The following NCBP2 variants were observed in gnomAD, a reference collection of about 807,000 sequenced individuals.
NCBP2 encodes nuclear cap binding protein subunit 2, also known as nuclear cap-binding protein subunit 2.
A neutral mutation model predicts 21.5 loss-of-function variants in NCBP2; 8 were observed. The ratio of observed to expected loss-of-function variants is 0.37; its 90% CI spans 0.22 to 0.67. NCBP2 has a LOEUF of 0.67. Among genes scored for constraint, NCBP2 ranks in the 30% least tolerant of loss-of-function variants. NCBP2 has a pLI of 0.56. For missense variants in NCBP2, 127 were observed against 206.9 expected (o/e 0.61, Z 2.37); for synonymous variants, 92 against 75.8 (o/e 1.21, Z -1.11).
At position 196,938,018 on chromosome 3, in the gene NCBP2, G is replaced by A. The variant is rs1449541773; in HGVS notation, c.261-370C>T. The stretch of plus-strand genomic sequence containing the variant: ...GCACCCTAATCAAGAGAAGGTCACC[G>A]TGCACGTGGAATTGTGCTGCACTTC... On this transcript the variant is annotated intron_variant, in intron 2 of 3. Transcript: ENST00000321256. 11 of 186,144 alleles carry A rather than the reference G, an allele frequency of 5.9e-5. No homozygotes were observed. The Admixed American group carries it at 5.9e-4, about 10-fold the overall frequency. 11.5% of individuals were successfully genotyped at this position (186,144 alleles called of 1,614,324 possible). A position where few individuals can be genotyped will look rare whatever the true frequency, so the allele number is the denominator to read the frequency against.
At chr3:196,939,828 C>G (rs915942579) in intron 1 of NCBP2, 1 of 163,308 alleles carries the variant, frequency 6.1e-6, no homozygotes, top group Non-Finnish European at 1.3e-5. Flanking sequence ...AGTGGGTTTT[C>G]AGAGAGAGAG....
chr3:196,937,814 C>T (rs1371831165), intron 2 of NCBP2, 166 bp from the exon 3 acceptor site: 1 of 693,294 alleles, frequency 1.4e-6, no homozygotes, highest in Middle Eastern at 3.2e-4. Context: ...GGTTTGGAAG[C>T]ACATAGAGTC....
At chr3:196,937,154 T>C (rs1716303435) in intron 3 of NCBP2, 72 bp from the exon 4 acceptor site, 2 of 1,409,404 alleles carry the variant, frequency 1.4e-6, no homozygotes, top group Non-Finnish European at 1.0e-6. Flanking sequence ...CACAAACATG[T>C]TAGACAAACA....
At chr3:196,937,757 T>TG in intron 2 of NCBP2, 109 bp from the exon 3 acceptor site, 2 of 1,384,368 alleles carry the variant, frequency 1.4e-6, no homozygotes, top group Non-Finnish European at 2.0e-6. Context: ...TCCAACCAGA[T>TG]GGAGTTCAAA....
Position 196,937,030 on chromosome 3 carries a change from T to C in NCBP2, c.452A>G (p.Lys151Arg), listed in dbSNP as rs1302140345. ...DYDAGRGGYG[K>R]LAQNQ ...CACCACTCACTGGTTCTGTGCCAGT[T>C]TTCCATAGCCTCCTCTCCCAGCATC... The change falls in exon 4 of 4, where the codon AAA becomes AGA. Residue 151 changes from lysine (K) to arginine (R), a missense_variant. Transcript: ENST00000321256. 2 of 1,614,168 alleles carry C rather than the reference T, an allele frequency of 1.2e-6. No individual in the cohort carries two copies. The highest frequency in any genetic ancestry group is 4.5e-5 in the East Asian group (2 of 44,880).
In NCBP2 at chr3:196,937,664, A is replaced by C; in HGVS notation, c.261-16T>G. 1 of 1,610,772 alleles carries C rather than the reference A, an allele frequency of 6.2e-7. No individual in the cohort carries two copies. The highest frequency in any genetic ancestry group is 8.5e-7 in the Non-Finnish European group (1 of 1,177,884). ...TGAGTAATATCTTAAGTATTAAGGA[A>C]CACTAGCATTTTTCCAAACATTTCT... On this transcript the variant is annotated splice_polypyrimidine_tract_variant and intron_variant, in intron 2 of 3. Transcript: ENST00000321256.
At chr3:196,941,633 C>T (rs1424151702) in intron 1 of NCBP2, 1 of 499,686 alleles carries the variant, frequency 2.0e-6, no homozygotes, top group Admixed American at 3.8e-5. Context: ...TTGGCGACAG[C>T]ACTCGATAAA....
At chr3:196,942,272 A>T (rs1716628662) in intron 1 of NCBP2, 154 bp downstream of exon 1, 19 of 1,497,934 alleles carry the variant, frequency 1.3e-5, no homozygotes, top group Non-Finnish European at 1.7e-5. Flanking sequence ...GCGCCCTTCC[A>T]GCACCCATTC....
At chr3:196,942,379 GCGTTCTTGCCCAGGGC>G in intron 1 of NCBP2, 31 bp downstream of exon 1, 1 of 1,595,744 alleles carries the variant, frequency 6.3e-7, no homozygotes, top group Non-Finnish European at 8.5e-7. Flanking sequence ...CCGTTTCTCA[GCGTTCTTGCCCAGGGC>G]CTTCCCGTCT....
Position 196,939,446 on chromosome 3 carries a change from TAG to T in NCBP2, c.79-16_79-15del, listed in dbSNP as rs1316912376. 1 of 1,580,116 alleles carries T rather than the reference TAG, an allele frequency of 6.3e-7. No homozygotes were observed. The highest frequency in any genetic ancestry group is 1.4e-5 in the African/African-American group (1 of 73,492). On this transcript the variant is annotated splice_polypyrimidine_tract_variant and intron_variant, in intron 1 of 3. Coordinates refer to ENST00000321256, the MANE Select transcript of NCBP2 (RefSeq NM_007362.5). ...TTCATTGTCACCCTAGAATTTCAAA[TAG>T]AGACAAAAGTTAAGCAACTTCAGAG...
Position 196,937,062 on chromosome 3 carries a change from C to A in NCBP2, c.420G>T (p.Gln140His). 1 of 1,614,162 alleles carries A rather than the reference C, an allele frequency of 6.2e-7. No homozygotes were observed. Among genetic ancestry groups the A allele is most frequent in the Non-Finnish European group, 8.5e-7 (1 of 1,180,036 alleles). Residue 140 changes from glutamine (Q) to histidine (H), a missense_variant, in exon 4 of 4, where the codon CAG (glutamine) becomes CAT (histidine). By Grantham distance (24) the Gln-to-His change is conservative. Coordinates refer to ENST00000321256, the MANE Select transcript of NCBP2 (RefSeq NM_007362.5). ...SGGQVRDEYRQDYDAGRGGYG... is the reference protein window; with the variant it reads ...SGGQVRDEYRHDYDAGRGGYG... Reference sequence around the variant, plus strand: ...AGCCTCCTCTCCCAGCATCGTAGTCCTGCCGATACTCATCCCGAACCTTTA... The same window carrying A: ...AGCCTCCTCTCCCAGCATCGTAGTCATGCCGATACTCATCCCGAACCTTTA...
intron 1 of NCBP2, chr3:196,941,748 C>G: frequency 1.5e-6 from 1 of 653,848 alleles, no homozygotes; most frequent in South Asian, 2.0e-5. Context: ...ATATCTGCTG[C>G]CTCCCCTTTT....
At chr3:196,942,380 C>A (rs759128107) in intron 1 of NCBP2, 46 bp downstream of exon 1, 1 of 1,596,776 alleles carries the variant, frequency 6.3e-7, no homozygotes, top group Non-Finnish European at 8.5e-7. Context: ...CGTTTCTCAG[C>A]GTTCTTGCCC....
chr3:196,937,561 G>A lies in NCBP2; in HGVS notation c.348C>T (p.Asp116=), dbSNP rs746395830. 1.9e-5 allele frequency: 30 copies of A among 1,614,008 alleles called. No homozygotes were observed. Among genetic ancestry groups the A allele is most frequent in the Non-Finnish European group, 2.3e-5 (27 of 1,180,038 alleles). The change falls in exon 3 of 4, where the codon GAC becomes GAT. Residue 116 remains aspartate, a synonymous_variant. Transcript: ENST00000321256. ...ATTGCCTGCCCTCCTTAAAGCCTGC[G>A]TCCCAGTCTGTGCGAATGATTCGGT... ...LDDRIIRTDW[D]AGFKEGRQYG...
At chr3:196,939,111 G>A in intron 2 of NCBP2, 140 bp downstream of exon 2, 1 of 671,732 alleles carries the variant, frequency 1.5e-6, no homozygotes, top group Non-Finnish European at 2.6e-6. Flanking sequence ...CAGCTTTACA[G>A]TATAAGGGCA....
At chr3:196,937,414 G>A (rs1716314255) in intron 3 of NCBP2, 96 bp downstream of exon 3, 4 of 1,541,392 alleles carry the variant, frequency 2.6e-6, no homozygotes, top group African/African-American at 1.4e-5. Context: ...TAGACACAAA[G>A]TTATTTACAA....
chr3:196,939,767 C>A (rs141760904), intron 1 of NCBP2: 2 of 214,846 alleles, frequency 9.3e-6, no homozygotes, highest in African/African-American at 4.6e-5. Context: ...GACTCTGGAC[C>A]TTGACCCAAT....
rs1430226628 is a variant in NCBP2 at position 196,935,542 on chromosome 3, T to G, written c.*1469A>C. The G allele has an allele frequency of 6.6e-6, 1 of 152,218 alleles. No homozygotes were observed. Among genetic ancestry groups the G allele is most frequent in the Non-Finnish European group, 1.5e-5 (1 of 68,042 alleles). 9.4% of individuals were successfully genotyped at this position (152,218 alleles called of 1,614,324 possible). On this transcript the variant is annotated 3_prime_UTR_variant, in exon 4 of 4. Transcript: ENST00000321256. Reference sequence around the variant, plus strand: ...CATTAAATTACAGTGTGAAGGAATTTTAAAAATGAACAGTGTATCCTCATT... The same window carrying G: ...CATTAAATTACAGTGTGAAGGAATTGTAAAAATGAACAGTGTATCCTCATT...
At chr3:196,942,115 C>T (rs1560171898) in intron 1 of NCBP2, 6 of 1,474,954 alleles carry the variant, frequency 4.1e-6, no homozygotes, top group Non-Finnish European at 5.3e-6. Context: ...TCTGCGGAGG[C>T]ACAACCGTGG....
Sources: gnomAD v4.1 joint callset for allele counts on GRCh38, gnomAD v4.1.1 for gene constraint, MANE v1.5 for transcripts, NCBI Gene and HGNC (gene_info 2026-07-23, HGNC 2026-07-21) for gene names.